SLC39A8: variants seen among roughly 807,000 people sequenced by gnomAD.
The protein encoded by SLC39A8 is solute carrier family 39 member 8, also known as metal cation symporter ZIP8.
A neutral mutation model predicts 40.4 loss-of-function variants in SLC39A8; 15 were observed. The ratio of observed to expected loss-of-function variants is 0.37; its 90% confidence interval spans 0.25 to 0.57. The LOEUF (loss-of-function observed/expected upper bound fraction) is 0.57. Ranked by LOEUF, SLC39A8 falls within the 20% of genes least tolerant of loss-of-function variation. SLC39A8 has a pLI of 0.75. For synonymous variants in SLC39A8, 223 were observed against 221.6 expected, an observed-to-expected ratio of 1.01 and a Z score of -0.06; for missense variants, 472 against 558.8, an observed-to-expected ratio of 0.84 and a Z score of 1.57.
intron 2 of SLC39A8, among the ~76,000 whole-genome samples, chr4:102,335,656 T>A (rs1025014850): frequency 2.6e-5 from 4 of 152,220 alleles, no homozygotes. Flanking sequence ...TCAGAAGTCC[T>A]CTGGAAGGGA....
chr4:102,288,731 A>G (rs763107642), intron 6 of SLC39A8, among the ~76,000 whole-genome samples: 3 of 152,146 alleles, frequency 2.0e-5, no homozygotes, highest in Non-Finnish European at 4.4e-5. Flanking sequence ...AGAAGATCAA[A>G]CCACCCACAA....
At chr4:102,278,913 C>T (rs548630338) in intron 6 of SLC39A8, among the ~76,000 whole-genome samples, 57 of 151,842 alleles carry the variant, frequency 3.8e-4, no homozygotes, top group African/African-American at 1.3e-3. Flanking sequence ...CCAAACACCG[C>T]ATGTTCTCAC....
Position 102,344,854 on chromosome 4 carries a change from GA to G in SLC39A8, c.-193del. ...AGCAGCTCGCGACCTGCGGGGCATT[GA>G]AGTGGCAGCGTAGCCGAGGGGAGCG... On this transcript the variant is annotated 5_prime_UTR_variant, in exon 2 of 9. Transcript: ENST00000356736. 2 of 1,314,962 alleles carry G rather than the reference GA, an allele frequency of 1.5e-6. No individual in the cohort carries two copies. Among genetic ancestry groups the G allele is most frequent in the Non-Finnish European group, 1.9e-6 (2 of 1,037,706 alleles). 81.5% of individuals were successfully genotyped at this position (1,314,962 alleles called of 1,614,324 possible). A position where few individuals can be genotyped will look rare whatever the true frequency, so the allele number is the denominator to read the frequency against.
chr4:102,307,994 G>A (rs895672957), intron 3 of SLC39A8, among the ~76,000 whole-genome samples: 5 of 151,930 alleles, frequency 3.3e-5, no homozygotes, highest in Non-Finnish European at 5.9e-5. Flanking sequence ...AGAAAAAACA[G>A]GGGCAGTGTG....
chr4:102,252,447 T>G (rs1172503869), exon 12 of SLC39A8: 1 of 152,172 alleles, frequency 6.6e-6, no homozygotes, highest in East Asian at 1.9e-4. Flanking sequence ...GGACAGGGAG[T>G]GGCCCAGGGA....
intron 6 of SLC39A8, among the ~76,000 whole-genome samples, chr4:102,272,064 C>T (rs1247237114): frequency 1.3e-5 from 2 of 152,058 alleles, no homozygotes; most frequent in African/African-American, 4.8e-5. Context: ...ATAAGTCAGG[C>T]TCAGGGGCTC....
intron 2 of SLC39A8, among the ~76,000 whole-genome samples, chr4:102,318,548 A>G (rs1010358762): frequency 1.3e-5 from 2 of 152,172 alleles, no homozygotes; most frequent in African/African-American, 4.8e-5. Context: ...AACCAGAAAC[A>G]AAAGAAAGCA....
At chr4:102,299,341 A>G (rs974600960) in intron 6 of SLC39A8, among the ~76,000 whole-genome samples, 2 of 151,398 alleles carry the variant, frequency 1.3e-5, no homozygotes, top group Non-Finnish European at 2.9e-5. Flanking sequence ...TCTGTGCAAA[A>G]TGTGTAATAT....
intron 11 of SLC39A8, among the ~76,000 whole-genome samples, chr4:102,254,388 G>A (rs1007670250): frequency 6.6e-6 from 1 of 152,154 alleles, no homozygotes; most frequent in Admixed American, 6.5e-5. Flanking sequence ...TTCATTCACA[G>A]AAGAACAAGC....
chr4:102,321,410 C>T (rs546788571), intron 2 of SLC39A8, among the ~76,000 whole-genome samples: 1 of 152,146 alleles, frequency 6.6e-6, no homozygotes, highest in African/African-American at 2.4e-5. Context: ...ATTTCCCGTG[C>T]GTGCAAGGGG....
At chr4:102,281,368 C>A (rs939908118) in intron 6 of SLC39A8, among the ~76,000 whole-genome samples, 4 of 152,110 alleles carry the variant, frequency 2.6e-5, no homozygotes, top group African/African-American at 9.7e-5. Context: ...CGTGGAGAAA[C>A]CAACCCCGTG....
chr4:102,325,592 A>T (rs941940010), intron 2 of SLC39A8, among the ~76,000 whole-genome samples: 1 of 152,204 alleles, frequency 6.6e-6, no homozygotes, highest in African/African-American at 2.4e-5. Flanking sequence ...TATATAGAGA[A>T]TGCTGCTATA....
At chr4:102,253,272 T>C (rs559797877) in exon 12 of SLC39A8, 173 of 446,786 alleles carry the variant, frequency 3.9e-4, no homozygotes, top group Non-Finnish European at 4.6e-4. Flanking sequence ...AGGCTGTATC[T>C]TCCTTACTCC....
chr4:102,258,175 G>A (rs1731757127), downstream of SLC39A8, among the ~76,000 whole-genome samples: 1 of 150,836 alleles, frequency 6.6e-6, no homozygotes, highest in African/African-American at 2.5e-5. Context: ...CGCGATCTCG[G>A]CTCACTGCAA....
chr4:102,303,783 G>A (rs1578593744), intron 6 of SLC39A8, among the ~76,000 whole-genome samples: 1 of 151,730 alleles, frequency 6.6e-6, no homozygotes, highest in East Asian at 1.9e-4. Context: ...GTTATAAAAA[G>A]TAAATGAGAT....
chr4:102,316,800 G>A (rs1734680868), intron 2 of SLC39A8, among the ~76,000 whole-genome samples: 1 of 152,132 alleles, frequency 6.6e-6, no homozygotes, highest in African/African-American at 2.4e-5. Flanking sequence ...AATCCCCAGT[G>A]TGATGGTATT....
downstream of SLC39A8, among the ~76,000 whole-genome samples, chr4:102,260,891 G>A (rs529646590): frequency 6.6e-6 from 1 of 152,334 alleles, no homozygotes; most frequent in African/African-American, 2.4e-5. Context: ...GGTATTTAGA[G>A]TCTTCAGTTT....
chr4:102,335,919 G>A (rs1219650779), intron 2 of SLC39A8, among the ~76,000 whole-genome samples: 1 of 151,930 alleles, frequency 6.6e-6, no homozygotes. Context: ...TCTTCTTTTA[G>A]TTGACAGACG....
At chr4:102,270,008 G>A (rs1244816112) in intron 6 of SLC39A8, among the ~76,000 whole-genome samples, 1 of 152,166 alleles carries the variant, frequency 6.6e-6, no homozygotes, top group African/African-American at 2.4e-5. Context: ...ACAGCTGAAG[G>A]AGAAACAAAG....
Sources: allele counts gnomAD v4.1 joint callset (sites outside exome capture counted in the v4.1 genomes callset), GRCh38; gene constraint gnomAD v4.1.1; transcripts MANE v1.5; gene names NCBI Gene and HGNC (gene_info 2026-07-23, HGNC 2026-07-21).